Variants in TFIP11 observed in about 807,000 individuals in gnomAD.
TFIP11 encodes tuftelin-interacting protein 11.
TFIP11 carries 86 observed loss-of-function variants against 96.8 expected under a neutral mutation model. The ratio of observed to expected loss-of-function variants is 0.89; its 90% CI spans 0.75 to 1.06. The LOEUF is 1.06. Ranked by LOEUF, TFIP11 falls within the 50% of genes least tolerant of loss-of-function variation. TFIP11 has a pLI of 0.00. For missense variants in TFIP11, 881 were observed against 1,076.7 expected (o/e 0.82, Z 2.54); for synonymous variants, 405 against 395.2 (o/e 1.02, Z -0.29).
In TFIP11 at chr22:26,497,620, G is replaced by A. The variant is rs187183646; in HGVS notation, c.1437-731C>T. ...TGGCTGGGCACGGAGGCTCACGCCT[G>A]TAATTCCAGCACTCTGGGAGGCCAA... On this transcript the variant is annotated intron_variant, in intron 10 of 14. Coordinates refer to ENST00000407690, the MANE Select transcript of TFIP11 (RefSeq NM_012143.4). Among the ~76,000 whole-genome samples the A allele has an allele frequency of 1.9e-3, 296 of 152,358 alleles. 2 individuals are homozygous for A. Among genetic ancestry groups the A allele is most frequent in the African/African-American group, 6.7e-3 (277 of 41,584 alleles).
chr22:26,502,577 G>T (rs1922927961), intron 7 of TFIP11, among the ~76,000 whole-genome samples: 1 of 152,208 alleles, frequency 6.6e-6, no homozygotes, highest in Non-Finnish European at 1.5e-5. Flanking sequence ...AATACGGCCT[G>T]TTTACGAACA....
chr22:26,502,219 A>C, intron 7 of TFIP11, 167 bp from the exon 8 acceptor site: 1 of 741,494 alleles, frequency 1.3e-6, no homozygotes, highest in East Asian at 2.7e-5. Flanking sequence ...AAACTATCTA[A>C]TGATACTCCT....
Position 26,492,082 on chromosome 22 carries a change from C to A in TFIP11, c.2445G>T (p.Val815=), listed in dbSNP as rs570548923. The part of the protein sequence containing the change: ...GRIVIYIDRG[V]VFVQGEKTWV... ...ACGTCTTCTCGCCCTGGACAAAGAC[C>A]ACTCCCCGGTCGATGTAGATCACAA... The change falls in exon 15 of 15, where the codon GTG becomes GTT. Residue 815 remains valine (V), a synonymous_variant. Coordinates refer to ENST00000407690, the MANE Select transcript of TFIP11 (RefSeq NM_012143.4). The A allele has an allele frequency of 6.2e-7, 1 of 1,613,268 alleles. No homozygotes were observed. Among genetic ancestry groups the A allele is most frequent in the South Asian group, 1.1e-5 (1 of 90,820 alleles).
At chr22:26,492,790 G>GGC (rs1921378776) in intron 14 of TFIP11, 1 of 184,704 alleles carries the variant, frequency 5.4e-6, no homozygotes, top group Non-Finnish European at 1.2e-5. Flanking sequence ...ACCCACACAG[G>GGC]GCCCCCATCC....
chr22:26,494,684 C>T (rs1921694210), intron 13 of TFIP11, 113 bp downstream of exon 13: 1 of 1,436,290 alleles, frequency 7.0e-7, no homozygotes, highest in Non-Finnish European at 9.5e-7. Flanking sequence ...TCCTACCCTA[C>T]CATGTAATTT....
At chr22:26,495,260 C>CTTTTTTTTTTTTTTTTTTTTT (rs150268332) in intron 12 of TFIP11, among the ~76,000 whole-genome samples, 2 of 59,156 alleles carry the variant, frequency 3.4e-5, no homozygotes, top group Non-Finnish European at 5.7e-5. Context: ...CAACTCCTGG[C>CTTTTTTTTTTTTTTTTTTTTT]TTTTTTTTTT....
intron 3 of TFIP11, 48 bp downstream of exon 3, chr22:26,510,569 C>G (rs1298583751): frequency 9.0e-6 from 3 of 332,664 alleles, no homozygotes; most frequent in African/African-American, 2.1e-5. Context: ...TTCACACATA[C>G]ACAAACCACA....
At chr22:26,509,314 G>C (rs1923781126) in intron 4 of TFIP11, among the ~76,000 whole-genome samples, 1 of 152,094 alleles carries the variant, frequency 6.6e-6, no homozygotes, top group Non-Finnish European at 1.5e-5. Flanking sequence ...TCTACTGTCA[G>C]TCATATCAGC....
At chr22:26,508,179 C>T (rs555027708) in intron 4 of TFIP11, among the ~76,000 whole-genome samples, 1 of 152,330 alleles carries the variant, frequency 6.6e-6, no homozygotes, top group Admixed American at 6.5e-5. Context: ...AGTAATTCAA[C>T]ACCCTCAGGG....
At position 26,494,890 on chromosome 22, in the gene TFIP11, A is replaced by T. The variant is rs1005690220; in HGVS notation, c.1899T>A (p.Asp633Glu). The T allele has an allele frequency of 1.2e-6, 2 of 1,614,110 alleles. No homozygotes were observed. Among genetic ancestry groups the T allele is most frequent in the African/African-American group, 2.7e-5 (2 of 74,926 alleles). Residue 633 changes from aspartate (D) to glutamate (E), a missense_variant, in exon 13 of 15, where the codon GAT becomes GAA. Transcript: ENST00000407690. ...LVINPHQQHM[D>E]AFYWVIDWEG... ...CCCAGTCAATCACCCAATAGAATGC[A>T]TCCATGTGCTGCTGGTGGGGGTTAA...
At chr22:26,509,282 T>C (rs1428896084) in intron 4 of TFIP11, among the ~76,000 whole-genome samples, 1 of 152,168 alleles carries the variant, frequency 6.6e-6, no homozygotes, top group East Asian at 1.9e-4. Flanking sequence ...TATTGGGACC[T>C]CTTCTACCAC....
In TFIP11 at chr22:26,494,246, A is replaced by G; in HGVS notation, c.2051T>C (p.Leu684Pro). 1 of 1,614,244 alleles carries G rather than the reference A, an allele frequency of 6.2e-7. No individual in the cohort carries two copies. ...PNYEEITKWY[L>P]GWKSMFSDQV... ...GTCTGAGAACATCGACTTCCAACCC[A>G]GGTACCACTTGGTGATCTCCTCATA... The change falls in exon 14 of 15, where the codon CTG becomes CCG. Residue 684 changes from leucine (L) to proline (P), a missense_variant. Coordinates refer to ENST00000407690, the MANE Select transcript of TFIP11 (RefSeq NM_012143.4).
intron 14 of TFIP11, 42 bp downstream of exon 14, chr22:26,494,097 A>ATGTCAGATGT: frequency 6.2e-7 from 1 of 1,605,914 alleles, no homozygotes; most frequent in Non-Finnish European, 8.5e-7. Context: ...GTAAAATCTG[A>ATGTCAGATGT]AACTTGGGGC....
At chr22:26,501,082 A>G (rs539005911) in intron 8 of TFIP11, among the ~76,000 whole-genome samples, 18 of 151,942 alleles carry the variant, frequency 1.2e-4, no homozygotes, top group African/African-American at 4.3e-4. Flanking sequence ...ACGGGGTTTC[A>G]CCATGTTACA....
intron 8 of TFIP11, 95 bp downstream of exon 8, chr22:26,501,805 A>AGGCC: frequency 3.8e-6 from 3 of 798,142 alleles, no homozygotes; most frequent in Non-Finnish European, 3.6e-6. Context: ...AAAAAAAAAA[A>AGGCC]AAGCCTAGCT....
Position 26,496,908 on chromosome 22 carries a change from G to A in TFIP11, c.1437-19C>T, listed in dbSNP as rs372857117. On this transcript the variant is annotated intron_variant, in intron 10 of 14. Transcript: ENST00000407690. ...TATCAACCTATGGGAGAAAGGCAGA[G>A]GACAGGCTGGTTAATTACACTGACT... 3 of 1,612,582 alleles carry A rather than the reference G, an allele frequency of 1.9e-6. No homozygotes were observed. Among genetic ancestry groups the A allele is most frequent in the Non-Finnish European group, 2.5e-6 (3 of 1,179,600 alleles).
chr22:26,510,342 C>T (rs547514585), intron 3 of TFIP11, 61 bp from the exon 4 acceptor site: 28 of 1,468,190 alleles, frequency 1.9e-5, no homozygotes, highest in South Asian at 2.3e-5. Flanking sequence ...TCGAAGGATT[C>T]CTTGTGAGTC....
At chr22:26,495,015 T>C (rs1484111258) in intron 12 of TFIP11, 76 bp from the exon 13 acceptor site, 2 of 1,587,244 alleles carry the variant, frequency 1.3e-6, no homozygotes, top group African/African-American at 1.3e-5. Flanking sequence ...GCAAAGACAA[T>C]GTCCGTTTTC....
Position 26,510,216 on chromosome 22 carries a change from GTCATCA to G in TFIP11, c.51_56del (p.Asp18_Asp19del). 6.2e-7 allele frequency: 1 copy of G among 1,613,926 alleles called. No individual in the cohort carries two copies. The highest frequency in any genetic ancestry group is 8.5e-7 in the Non-Finnish European group (1 of 1,179,888). On this transcript the variant is annotated inframe_deletion, in exon 4 of 15. Coordinates refer to ENST00000407690, the MANE Select transcript of TFIP11 (RefSeq NM_012143.4). Reference sequence around the variant, plus strand: ...CAGTGATCTCAAAGTTCTCCCGCTCGTCATCATCATCATCAATGCGGCCTTCCCCAT... The same window carrying G: ...CAGTGATCTCAAAGTTCTCCCGCTCGTCATCATCAATGCGGCCTTCCCCAT...
Sources: gnomAD v4.1 joint callset for allele counts (sites outside exome capture counted in the v4.1 genomes callset) on GRCh38, gnomAD v4.1.1 for gene constraint, MANE v1.5 for transcripts, NCBI Gene and HGNC (gene_info 2026-07-23, HGNC 2026-07-21) for gene names.